Variants in DCP1A observed in about 807,000 individuals in gnomAD.
DCP1A encodes decapping mRNA 1A, also known as mRNA-decapping enzyme 1A.
A neutral mutation model predicts 58.0 loss-of-function variants in DCP1A; 20 were observed. The observed-to-expected ratio is 0.34, with a 90% confidence interval of 0.24 to 0.50. The LOEUF is 0.50. Ranked by LOEUF, DCP1A falls within the 20% of genes least tolerant of loss-of-function variation. The pLI is 0.98. For missense variants in DCP1A, 613 were observed against 712.2 expected, an observed-to-expected ratio of 0.86 and a Z score of 1.59; for synonymous variants, 285 against 275.1, an observed-to-expected ratio of 1.04 and a Z score of -0.36.
In DCP1A at chr3:53,315,903, G is replaced by A. The variant is rs140266813; in HGVS notation, c.371+3504C>T. On this transcript the variant is annotated intron_variant, in intron 4 of 9. Transcript: ENST00000610213. ...TGAGTAGCTGGGACTACAGGTGCCC[G>A]CCACCATGCCCCGCTAATTTTTTTG... Among the ~76,000 whole-genome samples, 1,455 of 151,942 alleles carry A rather than the reference G, an allele frequency of 9.6e-3. 25 individuals are homozygous for A. Among genetic ancestry groups the A allele is most frequent in the African/African-American group, 0.034 (1,392 of 41,462 alleles).
At chr3:53,321,951 A>T (rs1707980584) in intron 3 of DCP1A, among the ~76,000 whole-genome samples, 1 of 152,236 alleles carries the variant, frequency 6.6e-6, no homozygotes, top group Non-Finnish European at 1.5e-5. Context: ...GGTGCCATAC[A>T]ATATAGGAAA....
In DCP1A at chr3:53,292,241, T is replaced by G; in HGVS notation, c.1211A>C (p.His404Pro). 1 of 1,613,994 alleles carries G rather than the reference T, an allele frequency of 6.2e-7. No individual in the cohort carries two copies. Among genetic ancestry groups the G allele is most frequent in the Non-Finnish European group, 8.5e-7 (1 of 1,179,898 alleles). The change falls in exon 7 of 10, where the codon CAT becomes CCT. Residue 404 changes from histidine to proline, a missense_variant. Around this residue, in one of 3 missense-constraint regions of DCP1A, gnomAD observed 498 missense variants for 556.7 expected, o/e 0.89. Coordinates refer to ENST00000610213, the MANE Select transcript of DCP1A (RefSeq NM_018403.7). Reference protein sequence around the residue: ...LLQKLRLTPQHDQIQTQPLGK... With the variant: ...LLQKLRLTPQPDQIQTQPLGK... ...AAGTGGTTGTGTCTGTATTTGGTCA[T>G]GCTGTGGGGTCAACCTGAGTTTCTG...
chr3:53,287,702 T>TACC, intron 9 of DCP1A, 42 bp from the exon 10 acceptor site: 1 of 1,414,160 alleles, frequency 7.1e-7, no homozygotes, highest in Non-Finnish European at 1.0e-6. Context: ...ATGCCACATT[T>TACC]ACCTCATCAG....
intron 3 of DCP1A, among the ~76,000 whole-genome samples, chr3:53,322,898 G>T (rs1708009293): frequency 6.6e-6 from 1 of 150,402 alleles, no homozygotes; most frequent in Admixed American, 6.7e-5. Context: ...TGCAAGCTCT[G>T]CCTCCCGTGT....
intron 3 of DCP1A, among the ~76,000 whole-genome samples, chr3:53,322,329 G>T (rs943875017): frequency 2.6e-5 from 4 of 151,940 alleles, no homozygotes; most frequent in Non-Finnish European, 5.9e-5. Flanking sequence ...GTGGATGCCT[G>T]TAATTCCAGC....
At chr3:53,315,792 C>T (rs1261818534) in intron 4 of DCP1A, among the ~76,000 whole-genome samples, 13 of 112,784 alleles carry the variant, frequency 1.2e-4, no homozygotes, top group Admixed American at 4.2e-4. Context: ...CTCGCTCTGT[C>T]GCCCAGGCTG....
At chr3:53,313,903 T>C (rs1553688925) in intron 4 of DCP1A, among the ~76,000 whole-genome samples, 1 of 152,172 alleles carries the variant, frequency 6.6e-6, no homozygotes, top group East Asian at 1.9e-4. Context: ...CCTTGAGTTT[T>C]ATTATTATTT....
At chr3:53,344,561 C>A (rs961832887) in intron 2 of DCP1A, among the ~76,000 whole-genome samples, 9 of 152,122 alleles carry the variant, frequency 5.9e-5, no homozygotes, top group Non-Finnish European at 1.2e-4. Context: ...TTTTACAGAG[C>A]CAGTCTATGT....
At chr3:53,295,545 T>C (rs1266677296) in intron 6 of DCP1A, among the ~76,000 whole-genome samples, 2 of 152,216 alleles carry the variant, frequency 1.3e-5, no homozygotes, top group Admixed American at 6.5e-5. Context: ...TTACATCATC[T>C]TTCTTTTTCT....
intron 2 of DCP1A, among the ~76,000 whole-genome samples, chr3:53,343,650 C>T (rs566389323): frequency 6.0e-4 from 92 of 152,276 alleles, no homozygotes; most frequent in Middle Eastern, 3.4e-3. Flanking sequence ...CTCGCTCTGT[C>T]ACCCAGGCTG....
chr3:53,314,372 T>C (rs368495338), intron 4 of DCP1A, among the ~76,000 whole-genome samples: 1 of 152,216 alleles, frequency 6.6e-6, no homozygotes, highest in Non-Finnish European at 1.5e-5. Flanking sequence ...TAGCTCTTAA[T>C]AAGACTATTA....
At chr3:53,300,469 C>T (rs1344308996) in intron 6 of DCP1A, among the ~76,000 whole-genome samples, 1 of 151,978 alleles carries the variant, frequency 6.6e-6, no homozygotes, top group Non-Finnish European at 1.5e-5. Context: ...TCTCAAGTAG[C>T]TGGGATTACA....
At chr3:53,297,048 A>T (rs1173614303) in intron 6 of DCP1A, among the ~76,000 whole-genome samples, 2 of 152,256 alleles carry the variant, frequency 1.3e-5, no homozygotes, top group Non-Finnish European at 2.9e-5. Context: ...ATGAGGTAAC[A>T]GAGTATATGG....
chr3:53,321,826 AT>A (rs1400718905), intron 3 of DCP1A, among the ~76,000 whole-genome samples: 1 of 152,216 alleles, frequency 6.6e-6, no homozygotes, highest in African/African-American at 2.4e-5. Context: ...TTGAAATAAC[AT>A]TACAATTTTT....
rs1479093225 is a variant in DCP1A at position 53,283,864 on chromosome 3, G to A, written c.*3716C>T. 7.2e-5 allele frequency: 11 copies of A among 152,154 alleles called. No individual in the cohort carries two copies. The highest frequency in any genetic ancestry group is 1.3e-4 in the Admixed American group (2 of 15,274). The allele number at this position is 152,154 out of a possible 1,614,324, so 9.4% of individuals were successfully genotyped here. A position where few individuals can be genotyped will look rare whatever the true frequency, so the allele number is the denominator to read the frequency against. On this transcript the variant is annotated 3_prime_UTR_variant, in exon 10 of 10. Coordinates refer to ENST00000610213, the MANE Select transcript of DCP1A (RefSeq NM_018403.7). ...TAAATGAAGGTGTCAAATACAAAACGGAGGGAATCACTGCACACATCTGTT... is the reference window on the plus strand; with the variant it reads ...TAAATGAAGGTGTCAAATACAAAACAGAGGGAATCACTGCACACATCTGTT...
chr3:53,323,481 C>G (rs1708027875), intron 3 of DCP1A, among the ~76,000 whole-genome samples: 1 of 152,176 alleles, frequency 6.6e-6, no homozygotes, highest in African/African-American at 2.4e-5. Context: ...AATGAACACC[C>G]CAAACACTGA....
chr3:53,347,498 G>C lies in DCP1A; in HGVS notation c.20C>G (p.Ala7Gly), dbSNP rs1553693321. MEALSRAGQEMSLAALK... is the reference protein window; with the variant it reads MEALSRGGQEMSLAALK... ...GGCCGCTAGGCTCATCTCCTGCCCA[G>C]CTCGACTCAGCGCCTCCATCTTGAA... The change falls in exon 1 of 10, where the codon GCT becomes GGT. Residue 7 changes from alanine (A) to glycine (G), a missense_variant. Transcript: ENST00000610213. The C allele has an allele frequency of 6.2e-7, 1 of 1,612,376 alleles. No individual in the cohort carries two copies. The highest frequency in any genetic ancestry group is 8.5e-7 in the Non-Finnish European group (1 of 1,179,086).
At chr3:53,326,588 A>G (rs927834830) in intron 3 of DCP1A, among the ~76,000 whole-genome samples, 2 of 152,316 alleles carry the variant, frequency 1.3e-5, no homozygotes, top group African/African-American at 4.8e-5. Flanking sequence ...CAGCTGTGGC[A>G]ATAGATTCTC....
intron 3 of DCP1A, chr3:53,329,593 G>C: frequency 2.6e-6 from 1 of 383,454 alleles, no homozygotes; most frequent in Non-Finnish European, 4.6e-6. Flanking sequence ...GAAAATTTCA[G>C]ATCAGATTTT....
Sources: allele counts gnomAD v4.1 joint callset (sites outside exome capture counted in the v4.1 genomes callset), GRCh38; gene constraint gnomAD v4.1.1; regional missense constraint gnomAD v4.1.1; transcripts MANE v1.5; gene names NCBI Gene and HGNC (gene_info 2026-07-23, HGNC 2026-07-21).